The following DLG2 variants were observed in gnomAD, a reference collection of about 807,000 sequenced individuals.
DLG2 encodes disks large homolog 2.
Under a neutral mutation model 132.5 loss-of-function variants are expected in DLG2, and 45 were observed. That is an observed-to-expected ratio of 0.34 (90% CI 0.27 to 0.44). DLG2 has a LOEUF of 0.44. Ranked by LOEUF, DLG2 falls within the 20% of genes least tolerant of loss-of-function variation. The probability of loss-of-function intolerance (pLI) is 1.00; values close to 1 mark genes in which losing one functional copy is unlikely to be tolerated. For missense variants in DLG2, 1,045 were observed against 1,196.9 expected (o/e 0.87, Z 1.87); for synonymous variants, 424 against 419.6 (o/e 1.01, Z -0.13).
chr11:84,020,774 T>C (rs754910365), intron 11 of DLG2, among the ~76,000 whole-genome samples: 69 of 152,192 alleles, frequency 4.5e-4, no homozygotes, highest in Non-Finnish European at 8.7e-4. Context: ...TTCAGCTCTC[T>C]CAGGACGGCA....
At chr11:84,468,975 C>T (rs2099101729) in intron 7 of DLG2, among the ~76,000 whole-genome samples, 1 of 151,528 alleles carries the variant, frequency 6.6e-6, no homozygotes, top group Non-Finnish European at 1.5e-5. Flanking sequence ...AGTGAAGTGA[C>T]ATTTCCTTTG....
intron 7 of DLG2, among the ~76,000 whole-genome samples, chr11:84,312,306 T>C (rs899011717): frequency 6.6e-6 from 1 of 152,020 alleles, no homozygotes; most frequent in Non-Finnish European, 1.5e-5. Context: ...CCATCTCTAA[T>C]AAAAATACAC....
intron 18 of DLG2, among the ~76,000 whole-genome samples, chr11:83,738,247 C>T (rs1010824558): frequency 2.0e-5 from 3 of 152,188 alleles, no homozygotes; most frequent in Non-Finnish European, 4.4e-5. Context: ...CCCAAACCCA[C>T]ATCAGCAACC....
chr11:83,965,054 G>A (rs1005252952), intron 13 of DLG2, among the ~76,000 whole-genome samples: 2 of 151,944 alleles, frequency 1.3e-5, no homozygotes, highest in Non-Finnish European at 2.9e-5. Flanking sequence ...CTTTCAAAAT[G>A]TATTGCCCAT....
At chr11:85,476,087 G>A (rs1161367878) in intron 3 of DLG2, among the ~76,000 whole-genome samples, 1 of 152,012 alleles carries the variant, frequency 6.6e-6, no homozygotes, top group African/African-American at 2.4e-5. Context: ...AAACCTAGAT[G>A]GTACACCCTA....
chr11:85,039,835 TGCAACTTGG>T, intron 6 of DLG2, among the ~76,000 whole-genome samples: 3 of 151,990 alleles, frequency 2.0e-5, no homozygotes, highest in Non-Finnish European at 4.4e-5. Flanking sequence ...GCACAGTGTC[TGCAACTTGG>T]TAAGACTCTT....
intron 19 of DLG2, among the ~76,000 whole-genome samples, chr11:83,595,168 AAATGT>A (rs2153347761): frequency 6.6e-6 from 1 of 152,322 alleles, no homozygotes; most frequent in East Asian, 1.9e-4. Flanking sequence ...TTTGTTTCTC[AAATGT>A]AAATAAAATG....
At chr11:85,306,025 CTG>C (rs2079920570) in intron 3 of DLG2, among the ~76,000 whole-genome samples, 1 of 152,192 alleles carries the variant, frequency 6.6e-6, no homozygotes, top group Non-Finnish European at 1.5e-5. Flanking sequence ...CACCAACTAG[CTG>C]TGTAACTGTG....
chr11:85,158,305 C>T (rs1469143434), intron 4 of DLG2, among the ~76,000 whole-genome samples: 1 of 151,764 alleles, frequency 6.6e-6, no homozygotes, highest in Non-Finnish European at 1.5e-5. Flanking sequence ...AATGTTGCAG[C>T]TCGAGTGAAA....
chr11:84,121,017 C>T (rs964588571), intron 9 of DLG2, among the ~76,000 whole-genome samples: 2 of 152,120 alleles, frequency 1.3e-5, no homozygotes, highest in South Asian at 4.1e-4. Context: ...CTCATTCATT[C>T]AATTCATTAA....
chr11:83,937,486 C>T (rs575147234), intron 14 of DLG2, among the ~76,000 whole-genome samples: 4 of 113,650 alleles, frequency 3.5e-5, no homozygotes, highest in East Asian at 2.7e-4. Flanking sequence ...CCAGCCTGGG[C>T]GAAAGAGTGA....
At chr11:84,291,635 C>T (rs944920016) in intron 7 of DLG2, among the ~76,000 whole-genome samples, 18 of 152,092 alleles carry the variant, frequency 1.2e-4, no homozygotes, top group Middle Eastern at 3.2e-3. Context: ...AAAGTAATTC[C>T]AGCTGACAGA....
At chr11:83,779,298 T>C (rs2094711619) in intron 18 of DLG2, among the ~76,000 whole-genome samples, 1 of 152,152 alleles carries the variant, frequency 6.6e-6, no homozygotes, top group Non-Finnish European at 1.5e-5. Context: ...GAACTACTTG[T>C]TGAAAAAAAT....
At chr11:84,280,439 T>G (rs888750290) in intron 7 of DLG2, among the ~76,000 whole-genome samples, 2 of 151,868 alleles carry the variant, frequency 1.3e-5, no homozygotes, top group Non-Finnish European at 2.9e-5. Flanking sequence ...CAGCTAATTT[T>G]TGTATTTTTT....
At chr11:85,070,305 A>AAAATAAAT (rs60646994) in intron 6 of DLG2, among the ~76,000 whole-genome samples, 64 of 145,924 alleles carry the variant, frequency 4.4e-4, no homozygotes, top group Middle Eastern at 3.6e-3. Context: ...AGTATAATAA[A>AAAATAAAT]AAATAAATAA....
chr11:83,909,099 T>A (rs1441209910), intron 15 of DLG2, among the ~76,000 whole-genome samples: 3 of 152,140 alleles, frequency 2.0e-5, no homozygotes, highest in Non-Finnish European at 2.9e-5. Context: ...CTTGAAGGAA[T>A]GAAAGGAAAT....
chr11:85,030,569 T>A (rs1200599512), intron 6 of DLG2, among the ~76,000 whole-genome samples: 1 of 152,206 alleles, frequency 6.6e-6, no homozygotes, highest in African/African-American at 2.4e-5. Context: ...TTGTTTACTG[T>A]TGCATTCAAG....
intron 6 of DLG2, among the ~76,000 whole-genome samples, chr11:84,628,312 G>C (rs2099626200): frequency 2.0e-5 from 3 of 152,080 alleles, no homozygotes; most frequent in Middle Eastern, 6.8e-3. Flanking sequence ...GTTAGTCCAA[G>C]CTCTACATTT....
intron 14 of DLG2, among the ~76,000 whole-genome samples, chr11:83,953,733 G>A (rs2086084141): frequency 6.6e-6 from 1 of 152,178 alleles, no homozygotes; most frequent in African/African-American, 2.4e-5. Context: ...TAGAAGAACA[G>A]ACCATGTCTA....
Sources: allele counts gnomAD v4.1 joint callset (sites outside exome capture counted in the v4.1 genomes callset), GRCh38; gene constraint gnomAD v4.1.1; transcripts MANE v1.5; gene names NCBI Gene and HGNC (gene_info 2026-07-23, HGNC 2026-07-21).